The following TYW1B variants were observed in gnomAD, a reference collection of about 807,000 sequenced individuals.
TYW1B encodes tRNA-yW synthesizing protein 1 homolog B.
TYW1B carries 73 observed loss-of-function variants against 86.9 expected under a neutral mutation model. The observed-to-expected ratio is 0.84, with a 90% CI of 0.70 to 1.02. The LOEUF (loss-of-function observed/expected upper bound fraction) is 1.02. Among genes scored for constraint, TYW1B ranks in the 50% least tolerant of loss-of-function variants. The pLI is 0.00. For missense variants in TYW1B, 637 were observed against 827.4 expected (o/e 0.77, Z 2.82); for synonymous variants, 248 against 292.8 (o/e 0.85, Z 1.56).
At chr7:72,782,754 A>G (rs535077670) in intron 6 of TYW1B, among the ~76,000 whole-genome samples, 48 of 152,214 alleles carry the variant, frequency 3.2e-4, no homozygotes, top group Admixed American at 1.1e-3. Context: ...GCAAAGGCCT[A>G]TAATTTCAGC....
chr7:72,782,570 C>G (rs114390644), intron 6 of TYW1B, among the ~76,000 whole-genome samples: 1 of 152,182 alleles, frequency 6.6e-6, no homozygotes, highest in African/African-American at 2.4e-5. Flanking sequence ...CTTTTCTTAT[C>G]AATTCCTATA....
At chr7:72,762,602 C>A (rs544781404) in intron 7 of TYW1B, among the ~76,000 whole-genome samples, 1 of 152,258 alleles carries the variant, frequency 6.6e-6, no homozygotes, top group East Asian at 1.9e-4. Context: ...AATGAGGAAA[C>A]TTCCCATGCT....
At chr7:72,584,789 G>T (rs535457836) in intron 13 of TYW1B, among the ~76,000 whole-genome samples, 1 of 152,008 alleles carries the variant, frequency 6.6e-6, no homozygotes, top group Admixed American at 6.6e-5. Flanking sequence ...TTCAACTTCT[G>T]TTGGCATTCA....
intron 8 of TYW1B, among the ~76,000 whole-genome samples, chr7:72,731,123 T>C (rs1320171187): frequency 9.5e-6 from 1 of 105,196 alleles, no homozygotes; most frequent in African/African-American, 3.8e-5. Flanking sequence ...TTCTAAGGGC[T>C]GGAAAAAAAA....
chr7:72,630,578 G>A (rs1191416358), intron 11 of TYW1B, among the ~76,000 whole-genome samples: 4 of 151,668 alleles, frequency 2.6e-5, no homozygotes, highest in African/African-American at 7.3e-5. Context: ...TATGTTTGAA[G>A]ACTTCCAACA....
intron 11 of TYW1B, among the ~76,000 whole-genome samples, chr7:72,632,508 T>C (rs1380883156): frequency 3.7e-5 from 5 of 135,216 alleles, no homozygotes; most frequent in Non-Finnish European, 7.6e-5. Context: ...ATATATATTA[T>C]ATATATTCCT....
intron 9 of TYW1B, among the ~76,000 whole-genome samples, chr7:72,714,220 C>T (rs1214291746): frequency 1.3e-5 from 2 of 152,058 alleles, no homozygotes; most frequent in Admixed American, 1.3e-4. Flanking sequence ...CAAAGCTGTA[C>T]AGGAGAGAAA....
At position 72,616,892 on chromosome 7, in the gene TYW1B, T is replaced by C. The variant is rs551603650; in HGVS notation, c.1618-53A>G. The C allele has an allele frequency of 7.0e-5, 111 of 1,589,778 alleles. No homozygotes were observed. The South Asian group carries it at 9.9e-4, about 14-fold the overall frequency. On this transcript the variant is annotated intron_variant, in intron 12 of 13. Coordinates refer to ENST00000620995, the MANE Select transcript of TYW1B (RefSeq NM_001145440.3). ...TGACTACAGACCTACCTGCATGTCA[T>C]AGAAGACTTTCAGAGCCGGAAAGCC... is the stretch of plus-strand genomic sequence containing the variant.
chr7:72,664,992 T>A (rs1554445024), intron 11 of TYW1B, among the ~76,000 whole-genome samples: 1 of 152,142 alleles, frequency 6.6e-6, no homozygotes, highest in Non-Finnish European at 1.5e-5. Flanking sequence ...ACACTGTATT[T>A]TTTTATTGTT....
chr7:72,612,330 TAA>T (rs1811953068), intron 13 of TYW1B, among the ~76,000 whole-genome samples: 1 of 152,116 alleles, frequency 6.6e-6, no homozygotes, highest in Non-Finnish European at 1.5e-5. Context: ...AATAAATATA[TAA>T]ATGGGAGGAA....
At chr7:72,808,738 G>A (rs1449380246) in intron 4 of TYW1B, among the ~76,000 whole-genome samples, 6 of 151,878 alleles carry the variant, frequency 4.0e-5, no homozygotes, top group African/African-American at 1.5e-4. Context: ...TGTTGGTCAG[G>A]CTGGGGTCGA....
intron 11 of TYW1B, among the ~76,000 whole-genome samples, chr7:72,659,778 T>C (rs1344025507): frequency 6.6e-6 from 1 of 152,092 alleles, no homozygotes; most frequent in Non-Finnish European, 1.5e-5. Flanking sequence ...CAAAATCTTC[T>C]AAAACCCCCA....
intron 13 of TYW1B, among the ~76,000 whole-genome samples, chr7:72,576,714 G>A (rs1356163067): frequency 2.6e-5 from 4 of 151,974 alleles, no homozygotes; most frequent in Non-Finnish European, 4.4e-5. Flanking sequence ...GGGTTTCACC[G>A]TGTTAGCCAG....
chr7:72,617,930 A>C (rs1449851048), intron 12 of TYW1B, among the ~76,000 whole-genome samples: 3 of 152,212 alleles, frequency 2.0e-5, no homozygotes, highest in Non-Finnish European at 2.9e-5. Context: ...GGTAAATTAC[A>C]TAATGGTAAA....
intron 13 of TYW1B, among the ~76,000 whole-genome samples, chr7:72,598,002 G>C (rs1348643864): frequency 6.6e-6 from 1 of 152,150 alleles, no homozygotes; most frequent in Non-Finnish European, 1.5e-5. Context: ...GGACAGATTC[G>C]CACATGATGG....
At chr7:72,718,943 CT>C (rs1554456793) in intron 9 of TYW1B, among the ~76,000 whole-genome samples, 1 of 152,046 alleles carries the variant, frequency 6.6e-6, no homozygotes, top group Non-Finnish European at 1.5e-5. Flanking sequence ...GTTTTATATC[CT>C]TGGTCAAGCC....
chr7:72,697,815 C>T (rs1814359227), intron 10 of TYW1B: 1 of 152,308 alleles, frequency 6.6e-6, no homozygotes, highest in Non-Finnish European at 1.5e-5. Context: ...TGTAAGGACC[C>T]TTCATCTTAA....
chr7:72,737,114 GT>G (rs1414400903), intron 8 of TYW1B, among the ~76,000 whole-genome samples: 1 of 152,196 alleles, frequency 6.6e-6, no homozygotes, highest in East Asian at 1.9e-4. Flanking sequence ...AAGGTATGTT[GT>G]TTTATTCTAC....
chr7:72,619,566 G>A (rs1422483545), intron 12 of TYW1B, among the ~76,000 whole-genome samples: 2 of 151,110 alleles, frequency 1.3e-5, no homozygotes, highest in Non-Finnish European at 3.0e-5. Context: ...GCGTGAACCC[G>A]GGAAGCGGAG....
Sources: allele counts gnomAD v4.1 joint callset (sites outside exome capture counted in the v4.1 genomes callset), GRCh38; gene constraint gnomAD v4.1.1; transcripts MANE v1.5; gene names NCBI Gene and HGNC (gene_info 2026-07-23, HGNC 2026-07-21).